RNF11: variants seen among roughly 807,000 people sequenced by gnomAD.
RNF11 encodes the protein ring finger protein 11.
A neutral mutation model predicts 15.8 loss-of-function variants in RNF11; 4 were observed. The observed-to-expected ratio is 0.25, with a 90% CI of 0.12 to 0.58. The LOEUF (loss-of-function observed/expected upper bound fraction) is 0.58, where lower values mean the gene tolerates loss of function less well. Among genes scored for constraint, RNF11 ranks in the 20% least tolerant of loss-of-function variants. The pLI, the probability that RNF11 is intolerant of heterozygous loss-of-function variation, is 0.91. For missense variants in RNF11, 139 were observed against 194.4 expected, an observed-to-expected ratio of 0.71 and a Z score of 1.70; for synonymous variants, 68 against 72.3, an observed-to-expected ratio of 0.94 and a Z score of 0.30.
chr1:51,248,332 C>T (rs188031003), intron 1 of RNF11, among the ~76,000 whole-genome samples: 5 of 151,718 alleles, frequency 3.3e-5, no homozygotes, highest in Admixed American at 6.6e-5. Flanking sequence ...CTCAGCCTCC[C>T]GGGTAGCTGG....
intron 1 of RNF11, among the ~76,000 whole-genome samples, chr1:51,264,313 T>TATATATATATATAC (rs1646945539): frequency 9.8e-6 from 1 of 101,792 alleles, no homozygotes; most frequent in Non-Finnish European, 1.8e-5. Context: ...TATATATATA[T>TATATATATATATAC]ATATACACAC....
At chr1:51,237,412 TTGTG>T (rs202164788) in intron 1 of RNF11, among the ~76,000 whole-genome samples, 1 of 143,216 alleles carries the variant, frequency 7.0e-6, no homozygotes, top group African/African-American at 2.7e-5. Flanking sequence ...ATCGAGTTAC[TTGTG>T]TGTGTGTGTA....
At chr1:51,248,491 G>A (rs1343713287) in intron 1 of RNF11, among the ~76,000 whole-genome samples, 3 of 152,026 alleles carry the variant, frequency 2.0e-5, no homozygotes, top group Non-Finnish European at 4.4e-5. Context: ...CGTCAGCCAC[G>A]GCGCCCGGCC....
chr1:51,270,165 T>C, intron 2 of RNF11, 40 bp downstream of exon 2: 1 of 1,528,472 alleles, frequency 6.5e-7, no homozygotes, highest in Non-Finnish European at 8.8e-7. Context: ...AGTTTTATTT[T>C]CAGATTGCTT....
intron 1 of RNF11, among the ~76,000 whole-genome samples, chr1:51,261,711 G>A (rs184306491): frequency 0.033 from 4,843 of 148,856 alleles, 131 homozygotes; most frequent in Non-Finnish European, 0.05. Flanking sequence ...TTCTTGAGAC[G>A]GAGTCTTGCT....
intron 1 of RNF11, among the ~76,000 whole-genome samples, chr1:51,242,634 G>C (rs72896457): frequency 0.021 from 3,205 of 152,138 alleles, 96 homozygotes; most frequent in African/African-American, 0.065. Context: ...TGTGGGGGAT[G>C]GGCTTGTTTT....
chr1:51,243,331 C>A (rs1646838577), intron 1 of RNF11, among the ~76,000 whole-genome samples: 1 of 152,192 alleles, frequency 6.6e-6, no homozygotes, highest in South Asian at 2.1e-4. Flanking sequence ...TCAGTTCTTA[C>A]AGCAACATAA....
At chr1:51,269,073 C>T (rs1345864561) in intron 1 of RNF11, among the ~76,000 whole-genome samples, 2 of 152,146 alleles carry the variant, frequency 1.3e-5, no homozygotes, top group Admixed American at 1.3e-4. Flanking sequence ...AGTAAGTAGC[C>T]GAGCTGAGAC....
At chr1:51,255,651 G>GTA (rs772663030) in intron 1 of RNF11, among the ~76,000 whole-genome samples, 1 of 152,180 alleles carries the variant, frequency 6.6e-6, no homozygotes, top group Non-Finnish European at 1.5e-5. Context: ...GGAGCTTTTG[G>GTA]TATGTTCAAG....
chr1:51,264,280 AAAAAAAAATATATATATATATATAT>A (rs1646943611), intron 1 of RNF11, among the ~76,000 whole-genome samples: 1 of 95,696 alleles, frequency 1.0e-5, no homozygotes, highest in African/African-American at 4.8e-5. Context: ...AAAAAAAAAA[AAAAAAAAATATATATATATATATAT>A]ATATATATAT....
intron 1 of RNF11, among the ~76,000 whole-genome samples, chr1:51,237,127 A>G (rs1446921402): frequency 1.3e-5 from 2 of 152,066 alleles, no homozygotes; most frequent in Non-Finnish European, 1.5e-5. Context: ...ATGTGATCAC[A>G]TCCCCTTGGC....
At chr1:51,267,335 G>A (rs72904223) in intron 1 of RNF11, among the ~76,000 whole-genome samples, 3,308 of 152,282 alleles carry the variant, frequency 0.022, 105 homozygotes, top group African/African-American at 0.067. Context: ...TAGCACTGGC[G>A]TTGGAGGTCC....
chr1:51,258,245 T>G (rs1356256219), intron 1 of RNF11, among the ~76,000 whole-genome samples: 1 of 152,210 alleles, frequency 6.6e-6, no homozygotes, highest in East Asian at 1.9e-4. Flanking sequence ...ATATAGTATT[T>G]TCAGACCATG....
At chr1:51,250,175 A>G (rs531247505) in intron 1 of RNF11, among the ~76,000 whole-genome samples, 29 of 152,306 alleles carry the variant, frequency 1.9e-4, no homozygotes, top group African/African-American at 6.7e-4. Flanking sequence ...TATAATTGAT[A>G]TAATTATATA....
intron 1 of RNF11, among the ~76,000 whole-genome samples, chr1:51,247,116 A>G (rs1646855775): frequency 6.6e-6 from 1 of 152,176 alleles, no homozygotes; most frequent in African/African-American, 2.4e-5. Context: ...GCTGTGATCT[A>G]AATGAAAGTG....
Position 51,251,361 on chromosome 1 carries a change from C to T in RNF11, c.123+14482C>T, listed in dbSNP as rs192694813. The T allele has an allele frequency of 7.0e-3, 10,472 of 1,500,592 alleles. 176 individuals carry two copies. The highest frequency in any genetic ancestry group is 0.064 in the African/African-American group (4,647 of 72,722). 93.0% of individuals were successfully genotyped at this position (1,500,592 alleles called of 1,614,324 possible). On this transcript the variant is annotated intron_variant, in intron 1 of 2. Coordinates refer to ENST00000242719, the MANE Select transcript of RNF11 (RefSeq NM_014372.5). ...GCGGCCTCGGCCCCGGCCCCGTCTA[C>T]GGCTGCGACCCCGGCCCCGGATGCC...
At chr1:51,264,287 AATATATATATATATATATAT>A (rs1162466435) in intron 1 of RNF11, among the ~76,000 whole-genome samples, 22 of 32,530 alleles carry the variant, frequency 6.8e-4, no homozygotes, top group African/African-American at 2.1e-3. Flanking sequence ...AAAAAAAAAA[AATATATATATATATATATAT>A]ATATATATAT....
chr1:51,256,027 C>T (rs1396459673), intron 1 of RNF11, among the ~76,000 whole-genome samples: 1 of 152,024 alleles, frequency 6.6e-6, no homozygotes, highest in Non-Finnish European at 1.5e-5. Context: ...GATAGAGCTA[C>T]ATTTAATTTT....
At chr1:51,266,253 A>C (rs1207063877) in intron 1 of RNF11, among the ~76,000 whole-genome samples, 1 of 152,126 alleles carries the variant, frequency 6.6e-6, no homozygotes. Context: ...TTGGTTTTGG[A>C]CCTATTGAAG....
Sources: gnomAD v4.1 joint callset for allele counts (sites outside exome capture counted in the v4.1 genomes callset) on GRCh38, gnomAD v4.1.1 for gene constraint, MANE v1.5 for transcripts, NCBI Gene and HGNC (gene_info 2026-07-23, HGNC 2026-07-21) for gene names.